The following ADGRB3 variants were observed in gnomAD, a reference collection of about 807,000 sequenced individuals.
The protein encoded by ADGRB3 is adhesion G protein-coupled receptor B3.
ADGRB3 carries 37 observed loss-of-function variants against 193.4 expected under a neutral mutation model. The observed-to-expected ratio is 0.19, with a 90% confidence interval of 0.15 to 0.25. The LOEUF is 0.25. Among genes scored for constraint, ADGRB3 ranks in the 10% least tolerant of loss-of-function variants. The pLI is 1.00. For missense variants in ADGRB3, 1,637 were observed against 1,852.9 expected (o/e 0.88, Z 2.14); for synonymous variants, 690 against 644.2 (o/e 1.07, Z -1.08).
At chr6:68,981,958 A>T (rs977643088) in intron 10 of ADGRB3, among the ~76,000 whole-genome samples, 2 of 151,036 alleles carry the variant, frequency 1.3e-5, no homozygotes, top group Non-Finnish European at 3.0e-5. Flanking sequence ...GCTCACTGCA[A>T]CCTCTGCCTC....
chr6:68,653,798 T>C (rs1434782999), intron 3 of ADGRB3, among the ~76,000 whole-genome samples: 2 of 151,952 alleles, frequency 1.3e-5, no homozygotes, highest in Non-Finnish European at 2.9e-5. Flanking sequence ...TAAGAACTTG[T>C]CCTGTTCTCT....
At chr6:69,185,393 C>G (rs1338955431) in intron 17 of ADGRB3, among the ~76,000 whole-genome samples, 1 of 151,984 alleles carries the variant, frequency 6.6e-6, no homozygotes, top group Non-Finnish European at 1.5e-5. Flanking sequence ...GTATATAAAC[C>G]CTCCCACATC....
At chr6:69,308,692 A>G (rs1275076068) in intron 20 of ADGRB3, among the ~76,000 whole-genome samples, 1 of 151,698 alleles carries the variant, frequency 6.6e-6, no homozygotes, top group Admixed American at 6.6e-5. Context: ...TCATTCTCAC[A>G]TAAATGTGGG....
At chr6:69,097,978 A>T (rs1052574221) in intron 17 of ADGRB3, among the ~76,000 whole-genome samples, 1 of 152,204 alleles carries the variant, frequency 6.6e-6, no homozygotes, top group Non-Finnish European at 1.5e-5. Flanking sequence ...ACACAAGTGG[A>T]TTTAGATAAT....
chr6:68,910,459 T>C (rs9342738), intron 3 of ADGRB3, among the ~76,000 whole-genome samples: 2 of 152,364 alleles, frequency 1.3e-5, no homozygotes, highest in East Asian at 3.9e-4. Context: ...GCTTTTGGTG[T>C]TTTAGACATG....
chr6:69,301,041 G>A (rs1315067613), intron 20 of ADGRB3, among the ~76,000 whole-genome samples: 1 of 151,746 alleles, frequency 6.6e-6, no homozygotes, highest in African/African-American at 2.4e-5. Flanking sequence ...CCACTTATAA[G>A]TAGATTTTTT....
chr6:68,920,537 A>G (rs796907555), intron 3 of ADGRB3, among the ~76,000 whole-genome samples: 1 of 126,506 alleles, frequency 7.9e-6, no homozygotes, highest in Non-Finnish European at 1.8e-5. Flanking sequence ...AAAAAAAAAA[A>G]GTCCTAAAAA....
intron 13 of ADGRB3, among the ~76,000 whole-genome samples, chr6:69,027,525 T>G (rs534138978): frequency 1.3e-4 from 20 of 152,328 alleles, no homozygotes; most frequent in South Asian, 1.2e-3. Context: ...TTCAGCTGCA[T>G]TATAATTTTA....
chr6:69,224,135 G>A (rs1301590950), intron 17 of ADGRB3, among the ~76,000 whole-genome samples: 1 of 151,866 alleles, frequency 6.6e-6, no homozygotes, highest in Non-Finnish European at 1.5e-5. Flanking sequence ...TTTTTCATGT[G>A]TATTTTTCTA....
intron 17 of ADGRB3, among the ~76,000 whole-genome samples, chr6:69,111,811 C>T (rs994184105): frequency 6.6e-6 from 1 of 152,114 alleles, no homozygotes; most frequent in Non-Finnish European, 1.5e-5. Context: ...TACATGTGAA[C>T]CATCAGCTTA....
intron 20 of ADGRB3, among the ~76,000 whole-genome samples, chr6:69,294,636 C>T (rs1561979569): frequency 6.6e-6 from 1 of 152,096 alleles, no homozygotes; most frequent in Non-Finnish European, 1.5e-5. Context: ...AAGACTTACA[C>T]ATATGGTACT....
intron 3 of ADGRB3, among the ~76,000 whole-genome samples, chr6:68,800,833 G>A (rs1767297392): frequency 6.6e-6 from 1 of 152,088 alleles, no homozygotes; most frequent in Non-Finnish European, 1.5e-5. Context: ...ACTTAAGACA[G>A]GTACAAACAG....
At chr6:69,212,680 TC>T (rs1307242508) in intron 17 of ADGRB3, among the ~76,000 whole-genome samples, 1 of 152,164 alleles carries the variant, frequency 6.6e-6, no homozygotes, top group Non-Finnish European at 1.5e-5. Context: ...GTTATTCCTA[TC>T]TAAAATCCCA....
At chr6:69,222,750 G>A (rs1054830671) in intron 17 of ADGRB3, among the ~76,000 whole-genome samples, 4 of 151,964 alleles carry the variant, frequency 2.6e-5, no homozygotes, top group East Asian at 1.9e-4. Flanking sequence ...TATTGAGTAG[G>A]TACAAAACAT....
At chr6:68,805,486 A>C (rs1386532043) in intron 3 of ADGRB3, among the ~76,000 whole-genome samples, 2 of 152,196 alleles carry the variant, frequency 1.3e-5, no homozygotes, top group Non-Finnish European at 2.9e-5. Context: ...GCCCATTATG[A>C]GTCGAACTTT....
intron 15 of ADGRB3, among the ~76,000 whole-genome samples, chr6:69,062,095 A>G (rs765931238): frequency 6.6e-6 from 1 of 152,012 alleles, no homozygotes; most frequent in Non-Finnish European, 1.5e-5. Flanking sequence ...TCCAAACAGG[A>G]ATATATTCAC....
chr6:69,097,922 A>G (rs1481717505), intron 17 of ADGRB3, among the ~76,000 whole-genome samples: 1 of 152,208 alleles, frequency 6.6e-6, no homozygotes, highest in Non-Finnish European at 1.5e-5. Flanking sequence ...AAAAGTAAAA[A>G]CATAATTATG....
At chr6:68,919,317 G>A (rs1766963369) in intron 3 of ADGRB3, among the ~76,000 whole-genome samples, 2 of 151,506 alleles carry the variant, frequency 1.3e-5, no homozygotes, top group African/African-American at 4.9e-5. Context: ...TTTGGGCACT[G>A]TGTGTTTGTT....
intron 3 of ADGRB3, among the ~76,000 whole-genome samples, chr6:68,710,373 G>C (rs1411635153): frequency 6.6e-6 from 1 of 151,854 alleles, no homozygotes; most frequent in Non-Finnish European, 1.5e-5. Flanking sequence ...CTTATTTTGG[G>C]TAGTTCTCAC....
Sources: gnomAD v4.1 joint callset for allele counts (sites outside exome capture counted in the v4.1 genomes callset) on GRCh38, gnomAD v4.1.1 for gene constraint, MANE v1.5 for transcripts, NCBI Gene and HGNC (gene_info 2026-07-23, HGNC 2026-07-21) for gene names.